Variants in ULK4 observed in about 807,000 individuals in gnomAD.
ULK4 encodes unc-51 like kinase 4, also known as inactive serine/threonine-protein kinase ULK4.
In ULK4, 133 loss-of-function variants were observed where a neutral mutation model predicts 160.6. The ratio of observed to expected loss-of-function variants is 0.83; its 90% CI spans 0.72 to 0.96. The LOEUF is 0.96. ULK4 is among the 40% of genes least tolerant of loss of function. The pLI is 0.00. For synonymous variants in ULK4, 534 were observed against 539.8 expected (o/e 0.99, Z 0.15); for missense variants, 1,580 against 1,499.5 (o/e 1.05, Z -0.89).
chr3:41,780,063 A>C (rs971866348), intron 21 of ULK4, among the ~76,000 whole-genome samples: 23 of 151,606 alleles, frequency 1.5e-4, no homozygotes, highest in Non-Finnish European at 3.1e-4. Context: ...CACTTTGGAA[A>C]CACTTTGGGA....
chr3:41,748,837 G>A (rs2038512611), intron 22 of ULK4, among the ~76,000 whole-genome samples: 1 of 152,126 alleles, frequency 6.6e-6, no homozygotes, highest in African/African-American at 2.4e-5. Context: ...ACTTTTATCA[G>A]GATAATAATA....
At chr3:41,789,971 G>T in intron 20 of ULK4, 128 bp from the exon 21 acceptor site, 2 of 823,538 alleles carry the variant, frequency 2.4e-6, no homozygotes, top group Non-Finnish European at 3.4e-6. Flanking sequence ...ACTTATTTTG[G>T]CACAAGAAAG....
At chr3:41,738,867 C>G (rs1056300131) in intron 22 of ULK4, among the ~76,000 whole-genome samples, 2 of 151,910 alleles carry the variant, frequency 1.3e-5, no homozygotes, top group Non-Finnish European at 2.9e-5. Context: ...AGTAAAGGCT[C>G]TGCAGCAATT....
chr3:41,839,184 C>T (rs1296174018), intron 17 of ULK4, among the ~76,000 whole-genome samples: 9 of 151,796 alleles, frequency 5.9e-5, no homozygotes, highest in Admixed American at 5.9e-4. Flanking sequence ...CCCGTCTCTA[C>T]TAAAAATTAG....
At chr3:41,381,694 C>T (rs2081655735) in intron 35 of ULK4, among the ~76,000 whole-genome samples, 1 of 152,250 alleles carries the variant, frequency 6.6e-6, no homozygotes, top group South Asian at 2.1e-4. Flanking sequence ...TACAGCAACC[C>T]CCTGACATGT....
At chr3:41,840,080 A>T (rs1020255944) in intron 17 of ULK4, among the ~76,000 whole-genome samples, 2 of 152,178 alleles carry the variant, frequency 1.3e-5, no homozygotes, top group African/African-American at 2.4e-5. Context: ...AAATTATTAT[A>T]AAAGTTATAT....
chr3:41,639,231 C>T (rs1312399523), intron 30 of ULK4, among the ~76,000 whole-genome samples: 1 of 152,124 alleles, frequency 6.6e-6, no homozygotes, highest in East Asian at 1.9e-4. Context: ...ACCACATAAA[C>T]ACAAAATATA....
At chr3:41,952,173 G>A (rs1419919662) in intron 2 of ULK4, among the ~76,000 whole-genome samples, 1 of 151,580 alleles carries the variant, frequency 6.6e-6, no homozygotes, top group Non-Finnish European at 1.5e-5. Flanking sequence ...AGACACCAAA[G>A]ACACAGATAA....
In ULK4 at chr3:41,912,867, A is replaced by C. The variant is rs769793230; in HGVS notation, c.836T>G (p.Phe279Cys). Residue 279 changes from phenylalanine (F) to cysteine (C), a missense_variant, in exon 9 of 37, where the codon TTT (phenylalanine) becomes TGT (cysteine). Transcript: ENST00000301831. ...LTWTRLLQHSFWKKAFAGADQ... is the reference protein window; with the variant it reads ...LTWTRLLQHSCWKKAFAGADQ... ...TGCTCCAGCAAAAGCTTTCTTCCAAAATGAATGCTGCAGTAGCCTTGTCCA... is the reference window on the plus strand; with the variant it reads ...TGCTCCAGCAAAAGCTTTCTTCCAACATGAATGCTGCAGTAGCCTTGTCCA... 9 of 1,614,130 alleles carry C rather than the reference A, an allele frequency of 5.6e-6. No homozygotes were observed. The South Asian group carries it at 9.9e-5, about 18-fold the overall frequency.
chr3:41,866,570 G>C (rs1337076632), intron 17 of ULK4, among the ~76,000 whole-genome samples: 1 of 152,234 alleles, frequency 6.6e-6, no homozygotes, highest in Non-Finnish European at 1.5e-5. Context: ...AGCTCAGGCA[G>C]TAATGCTCAC....
intron 32 of ULK4, among the ~76,000 whole-genome samples, chr3:41,501,608 TAATTA>T (rs950783909): frequency 6.6e-6 from 1 of 152,208 alleles, no homozygotes; most frequent in African/African-American, 2.4e-5. Flanking sequence ...TATTATGGAA[TAATTA>T]AATCAAGCTA....
intron 22 of ULK4, among the ~76,000 whole-genome samples, chr3:41,721,197 A>C (rs950258164): frequency 2.8e-4 from 41 of 144,710 alleles, no homozygotes; most frequent in Admixed American, 8.3e-4. Context: ...AAGGATGCTT[A>C]ATTTTGCATG....
chr3:41,515,953 G>A (rs982370779), intron 32 of ULK4, among the ~76,000 whole-genome samples: 37 of 152,180 alleles, frequency 2.4e-4, no homozygotes, highest in African/African-American at 8.4e-4. Context: ...TAACTTTCTA[G>A]TGTACTAGAA....
chr3:41,654,670 A>G (rs2034865170), intron 30 of ULK4, among the ~76,000 whole-genome samples: 3 of 152,208 alleles, frequency 2.0e-5, no homozygotes, highest in Non-Finnish European at 2.9e-5. Flanking sequence ...ACTGTTTTAA[A>G]TATTTTATGC....
At position 41,386,945 on chromosome 3, in the gene ULK4, T is replaced by C. The variant is rs75485153; in HGVS notation, c.3678+11134A>G. Among the ~76,000 whole-genome samples the C allele has an allele frequency of 6.7e-3, 1,016 of 152,260 alleles. 4 individuals are homozygous for C. Among genetic ancestry groups the C allele is most frequent in the East Asian group, 0.015 (78 of 5,172 alleles). On this transcript the variant is annotated intron_variant, in intron 35 of 36. Coordinates refer to ENST00000301831, the MANE Select transcript of ULK4 (RefSeq NM_017886.4). ...TGGACTATCATTTTATCAATACTAA[T>C]ACTGAGGTCTGAGTCCTGAGAAGGA...
chr3:41,748,251 G>C (rs2038488274), intron 22 of ULK4, among the ~76,000 whole-genome samples: 1 of 150,086 alleles, frequency 6.7e-6, no homozygotes, highest in African/African-American at 2.5e-5. Flanking sequence ...ACCATATATA[G>C]AGATCATATA....
Position 41,493,687 on chromosome 3 carries a change from C to T in ULK4, c.3227-30434G>A, listed in dbSNP as rs940737357. 4.7e-5 allele frequency among the ~76,000 whole-genome samples: 7 copies of T among 150,522 alleles called. No homozygotes were observed. In the East Asian group the frequency reaches 7.8e-4, roughly 17 times the overall value. On this transcript the variant is annotated intron_variant, in intron 32 of 36. Transcript: ENST00000301831. ...CAAAATTGATAGACTGCTAGCAAGACTAATAAACAAAAAAAGAGATAAGAA... is the reference window on the plus strand; with the variant it reads ...CAAAATTGATAGACTGCTAGCAAGATTAATAAACAAAAAAAGAGATAAGAA...
intron 31 of ULK4, among the ~76,000 whole-genome samples, chr3:41,601,037 T>C (rs1008109835): frequency 2.0e-5 from 3 of 152,196 alleles, no homozygotes; most frequent in African/African-American, 7.2e-5. Context: ...GAATAAGATG[T>C]TTTATAAAAC....
intron 35 of ULK4, among the ~76,000 whole-genome samples, chr3:41,338,345 G>C (rs1007346676): frequency 1.3e-5 from 2 of 152,156 alleles, no homozygotes; most frequent in African/African-American, 4.8e-5. Context: ...TGTGAAAAGG[G>C]AGAAACCACT....
Sources: gnomAD v4.1 joint callset for allele counts (sites outside exome capture counted in the v4.1 genomes callset) on GRCh38, gnomAD v4.1.1 for gene constraint, MANE v1.5 for transcripts, NCBI Gene and HGNC (gene_info 2026-07-23, HGNC 2026-07-21) for gene names.